Variants in WDR19 observed in about 807,000 individuals in gnomAD.
WDR19 encodes the protein WD repeat domain 19.
A neutral mutation model predicts 180.0 loss-of-function variants in WDR19; 121 were observed. That is an observed-to-expected ratio of 0.67 (90% CI 0.58 to 0.78). The LOEUF (loss-of-function observed/expected upper bound fraction) is 0.78, where lower values mean the gene tolerates loss of function less well. Ranked by LOEUF, WDR19 falls within the 30% of genes least tolerant of loss-of-function variation. WDR19 has a pLI of 0.00. For missense variants in WDR19, 1,450 were observed against 1,640.7 expected (o/e 0.88, Z 2.01); for synonymous variants, 497 against 540.7 (o/e 0.92, Z 1.12).
chr4:39,210,800 T>C (rs1045959156), intron 9 of WDR19, among the ~76,000 whole-genome samples: 3 of 152,094 alleles, frequency 2.0e-5, no homozygotes, highest in Admixed American at 1.3e-4. Context: ...TGATAAAAAC[T>C]CTCAGCAAGT....
chr4:39,253,398 TA>T, intron 25 of WDR19, 106 bp downstream of exon 25: 2 of 1,298,744 alleles, frequency 1.5e-6, no homozygotes, highest in Non-Finnish European at 2.1e-6. Flanking sequence ...ATTTAGTCTT[TA>T]TTTTTTTATC....
At chr4:39,191,253 G>C (rs1357354128) in intron 4 of WDR19, among the ~76,000 whole-genome samples, 1 of 152,150 alleles carries the variant, frequency 6.6e-6, no homozygotes. Flanking sequence ...ACACTAGCTA[G>C]TTATTAAACA....
At chr4:39,284,693 C>CTGT (rs1056151859) in intron 36 of WDR19, among the ~76,000 whole-genome samples, 19 of 148,182 alleles carry the variant, frequency 1.3e-4, no homozygotes, top group African/African-American at 4.4e-4. Flanking sequence ...AAGTTTATAA[C>CTGT]TGTTATCTAT....
intron 5 of WDR19, among the ~76,000 whole-genome samples, chr4:39,196,547 G>T (rs73133645): frequency 0.046 from 7,001 of 152,200 alleles, 526 homozygotes; most frequent in African/African-American, 0.16. Flanking sequence ...CCAGAATCCA[G>T]CCGGTCTCAC....
At chr4:39,211,925 CAGACAGAGAGAGAGAGAG>C (rs1385228249) in intron 9 of WDR19, among the ~76,000 whole-genome samples, 10 of 117,086 alleles carry the variant, frequency 8.5e-5, no homozygotes, top group Admixed American at 1.9e-4. Context: ...CTAATATAGA[CAGACAGAGAGAGAGAGAG>C]AGAGAGAGAG....
At chr4:39,282,544 C>T (rs1168604378) in intron 36 of WDR19, among the ~76,000 whole-genome samples, 2 of 152,010 alleles carry the variant, frequency 1.3e-5, no homozygotes, top group East Asian at 3.9e-4. Flanking sequence ...ATTACAGGCG[C>T]CCGCCACCAC....
intron 5 of WDR19, among the ~76,000 whole-genome samples, chr4:39,195,240 G>A (rs113035411): frequency 0.046 from 7,052 of 151,876 alleles, 530 homozygotes; most frequent in African/African-American, 0.16. Flanking sequence ...AGTGGCAGCC[G>A]CCTGTAATCC....
chr4:39,205,279 T>C lies in WDR19; in HGVS notation c.716+13T>C. ...TCTGCTATAATTGGTATGTCTGCTA[T>C]AACTGGTATGTACAAAAAGCTCATT... is the stretch of plus-strand genomic sequence containing the variant. On this transcript the variant is annotated intron_variant, in intron 8 of 36. Transcript: ENST00000399820. 1 of 1,563,124 alleles carries C rather than the reference T, an allele frequency of 6.4e-7. No homozygotes were observed. The highest frequency in any genetic ancestry group is 8.7e-7 in the Non-Finnish European group (1 of 1,147,920).
chr4:39,185,853 A>G (rs1057446762), intron 2 of WDR19, 36 bp downstream of exon 2: 3 of 1,496,316 alleles, frequency 2.0e-6, no homozygotes, highest in Admixed American at 2.0e-5. Flanking sequence ...CAGTGGTTGC[A>G]TGCCCATGTA....
At chr4:39,218,209 C>A in intron 14 of WDR19, 104 bp downstream of exon 14, 1 of 1,324,002 alleles carries the variant, frequency 7.6e-7, no homozygotes, top group Non-Finnish European at 1.0e-6. Flanking sequence ...ATATTGAATC[C>A]AATACAATTA....
intron 31 of WDR19, among the ~76,000 whole-genome samples, chr4:39,272,739 T>A (rs1292118394): frequency 6.6e-6 from 1 of 152,144 alleles, no homozygotes; most frequent in African/African-American, 2.4e-5. Flanking sequence ...TTTGAACCCA[T>A]ACCAAGTGGT....
chr4:39,230,670 C>T (rs959438761), intron 17 of WDR19, among the ~76,000 whole-genome samples: 1 of 152,146 alleles, frequency 6.6e-6, no homozygotes, highest in Non-Finnish European at 1.5e-5. Flanking sequence ...CTGTCTCTTC[C>T]ACCTTCCCCA....
At position 39,228,490 on chromosome 4, in the gene WDR19, C is replaced by T. The variant is rs776038917; in HGVS notation, c.1782C>T (p.Ala594=). 5 of 1,613,690 alleles carry T rather than the reference C, an allele frequency of 3.1e-6. No homozygotes were observed. The South Asian group carries it at 4.4e-5, about 14-fold the overall frequency. The change falls in exon 17 of 37, where the codon GCC becomes GCT. Residue 594 remains alanine, a synonymous_variant. Transcript: ENST00000399820. ...GATGTCTGTTTTATAATGTAGGAGC[C>T]AAGGTTATTTTGGCTGGTAGCACCA... ...YVFHKDTIQG[A]KVILAGSTKV... is the part of the protein sequence containing the mutation.
At chr4:39,280,116 C>CTTTTTTTTT (rs1736329750) in intron 36 of WDR19, among the ~76,000 whole-genome samples, 1 of 52,474 alleles carries the variant, frequency 1.9e-5, no homozygotes, top group Non-Finnish European at 4.4e-5. Context: ...TTTCCCTTTT[C>CTTTTTTTTT]TTGTTTTTTT....
At chr4:39,278,685 C>A in intron 36 of WDR19, 22 bp downstream of exon 36, 1 of 1,512,154 alleles carries the variant, frequency 6.6e-7, no homozygotes, top group Non-Finnish European at 9.1e-7. Context: ...AGCGCCCACG[C>A]ACCTTCTGGG....
At chr4:39,208,303 A>ATTT (rs34189923) in intron 9 of WDR19, among the ~76,000 whole-genome samples, 1 of 103,366 alleles carries the variant, frequency 9.7e-6, no homozygotes, top group Non-Finnish European at 2.1e-5. Context: ...GACTGAGTGG[A>ATTT]TTTTTTTTTT....
chr4:39,224,881 T>C lies in WDR19; in HGVS notation c.1480-3T>C, dbSNP rs1730083590. The C allele has an allele frequency of 6.9e-7, 1 of 1,455,310 alleles. No individual in the cohort carries two copies. Among genetic ancestry groups the C allele is most frequent in the African/African-American group, 1.5e-5 (1 of 68,886 alleles). 90.1% of individuals were successfully genotyped at this position (1,455,310 alleles called of 1,614,324 possible). On this transcript the variant is annotated splice_polypyrimidine_tract_variant and splice_region_variant and intron_variant, in intron 14 of 36. Transcript: ENST00000399820. Reference sequence around the variant, plus strand: ...TCATGGCTGGATTTTTTTTTTTTTTTAGACTGGTGTCGTTCAGTATTTCTA... The same window carrying C: ...TCATGGCTGGATTTTTTTTTTTTTTCAGACTGGTGTCGTTCAGTATTTCTA...
At position 39,257,532 on chromosome 4, in the gene WDR19, C is replaced by T. The variant is rs2109452317; in HGVS notation, c.3161C>T (p.Ala1054Val). The T allele has an allele frequency of 1.3e-6, 2 of 1,589,496 alleles. No homozygotes were observed. Among genetic ancestry groups the T allele is most frequent in the Non-Finnish European group, 1.7e-6 (2 of 1,166,982 alleles). Residue 1054 changes from alanine (A) to valine (V), a missense_variant, in exon 28 of 37, where the codon GCA becomes GTA. Ala to Val is a moderately conservative substitution (Grantham distance 64). Coordinates refer to ENST00000399820, the MANE Select transcript of WDR19 (RefSeq NM_025132.4). ...LKCPSSEDNV[A>V]IEMAIETVGQ... ...TGCCCAAGCTCGGAAGATAATGTGG[C>T]AATAGAAATGGCAATTGAAACTGTA...
intron 34 of WDR19, among the ~76,000 whole-genome samples, chr4:39,277,590 C>G (rs1475440981): frequency 6.6e-6 from 1 of 152,148 alleles, no homozygotes; most frequent in Admixed American, 6.5e-5. Flanking sequence ...TTAAAGAAAA[C>G]TAAATTCAGG....
Sources: gnomAD v4.1 joint callset for allele counts (sites outside exome capture counted in the v4.1 genomes callset) on GRCh38, gnomAD v4.1.1 for gene constraint, MANE v1.5 for transcripts, NCBI Gene and HGNC (gene_info 2026-07-23, HGNC 2026-07-21) for gene names.